Variants in FCGRT observed in about 807,000 individuals in gnomAD.
The protein encoded by FCGRT is IgG receptor FcRn large subunit p51.
A neutral mutation model predicts 35.7 loss-of-function variants in FCGRT; 13 were observed. That is an observed-to-expected ratio of 0.36 (90% CI 0.24 to 0.58). The LOEUF (loss-of-function observed/expected upper bound fraction) is 0.58. FCGRT is among the 20% of genes least tolerant of loss of function. The probability of loss-of-function intolerance (pLI) is 0.77; values close to 1 mark genes in which losing one functional copy is unlikely to be tolerated. For missense variants in FCGRT, 455 were observed against 474.9 expected (o/e 0.96, Z 0.39); for synonymous variants, 233 against 216.5 (o/e 1.08, Z -0.67).
Position 49,514,455 on chromosome 19 carries a change from G to A in FCGRT, c.570G>A (p.Leu190=), listed in dbSNP as rs1380293250. 1 of 1,564,660 alleles carries A rather than the reference G, an allele frequency of 6.4e-7. No individual in the cohort carries two copies. Among genetic ancestry groups the A allele is most frequent in the Non-Finnish European group, 8.7e-7 (1 of 1,151,422 alleles). Residue 190 remains leucine (L), a synonymous_variant, in exon 4 of 7, where the codon CTG becomes CTA. Transcript: ENST00000221466. ...GCCCGCACCGCCTGCGGGAGCACCT[G>A]GAGAGGGGCCGCGGAAACCTGGAGT... ...FSCPHRLREH[L]ERGRGNLEWK... is the part of the protein sequence containing the mutation.
intron 2 of FCGRT, 135 bp downstream of exon 2, chr19:49,513,608 C>T (rs903140188): frequency 7.6e-5 from 37 of 489,978 alleles, no homozygotes; most frequent in African/African-American, 7.4e-4. Context: ...AATTAACTTT[C>T]TCAACGTCTC....
chr19:49,513,864 C>A lies in FCGRT; in HGVS notation c.74-18C>A. ...TTCCCCGCCCGTGTGCTCCCTTCAG[C>A]TCTGTTTCTGTCTGCAGAAAGCCAC... On this transcript the variant is annotated intron_variant, in intron 2 of 6. Coordinates refer to ENST00000221466, the MANE Select transcript of FCGRT (RefSeq NM_001136019.3). The A allele has an allele frequency of 6.3e-7, 1 of 1,578,140 alleles. No individual in the cohort carries two copies. The highest frequency in any genetic ancestry group is 8.6e-7 in the Non-Finnish European group (1 of 1,161,264).
intron 5 of FCGRT, chr19:49,525,035 T>G (rs1311872590): frequency 1.6e-6 from 1 of 639,762 alleles, no homozygotes; most frequent in South Asian, 1.5e-5. Flanking sequence ...TCCCTGAGTC[T>G]GACCATCTTC....
intron 4 of FCGRT, among the ~76,000 whole-genome samples, chr19:49,520,165 C>G (rs1446255295): frequency 3.9e-5 from 5 of 126,972 alleles, no homozygotes; most frequent in Non-Finnish European, 8.2e-5. Flanking sequence ...GCGTCTCCCT[C>G]TGTCACCAGG....
In FCGRT at chr19:49,518,174, A is replaced by G. The variant is rs567403436; in HGVS notation, c.601+3688A>G. On this transcript the variant is annotated intron_variant, in intron 4 of 6. Transcript: ENST00000221466. ...CTACTAGGTAAGGGCATTTAAAAAAAATTAATACCAAAACCATCATCACAC... is the reference window on the plus strand; with the variant it reads ...CTACTAGGTAAGGGCATTTAAAAAAGATTAATACCAAAACCATCATCACAC... 2.0e-5 allele frequency among the ~76,000 whole-genome samples: 3 copies of G among 152,258 alleles called. No individual in the cohort carries two copies. The South Asian group carries it at 6.2e-4, about 32-fold the overall frequency.
intron 4 of FCGRT, among the ~76,000 whole-genome samples, chr19:49,522,825 T>C (rs1215848503): frequency 7.0e-6 from 1 of 142,110 alleles, no homozygotes; most frequent in Non-Finnish European, 1.5e-5. Flanking sequence ...TCACCCAGGC[T>C]GGAGTGCAGT....
At chr19:49,525,108 C>T in intron 5 of FCGRT, 1 of 543,182 alleles carries the variant, frequency 1.8e-6, no homozygotes, top group Non-Finnish European at 3.5e-6. Flanking sequence ...TCGTTGTCTG[C>T]TATGCCCGTC....
intron 4 of FCGRT, among the ~76,000 whole-genome samples, chr19:49,523,333 C>G (rs555443580): frequency 2.2e-4 from 33 of 152,130 alleles, no homozygotes; most frequent in Admixed American, 2.0e-3. Flanking sequence ...CTTTGGGAGG[C>G]TGAGGCAGGT....
At chr19:49,515,002 T>TC (rs1162026929) in intron 4 of FCGRT, among the ~76,000 whole-genome samples, 1 of 150,750 alleles carries the variant, frequency 6.6e-6, no homozygotes. Context: ...CCCCCCTTTT[T>TC]TTTTTTTTTG....
At chr19:49,521,768 C>T (rs1221495606) in intron 4 of FCGRT, 1 of 151,468 alleles carries the variant, frequency 6.6e-6, no homozygotes. Flanking sequence ...CTCCCAAGCT[C>T]AAGCGATCCT....
Position 49,514,461 on chromosome 19 carries a change from G to C in FCGRT, c.576G>C (p.Arg192Ser). ...ACCGCCTGCGGGAGCACCTGGAGAGGGGCCGCGGAAACCTGGAGTGGAAGG... is the reference window on the plus strand; with the variant it reads ...ACCGCCTGCGGGAGCACCTGGAGAGCGGCCGCGGAAACCTGGAGTGGAAGG... ...CPHRLREHLE[R>S]GRGNLEWKEP... Residue 192 changes from arginine (R) to serine (S), a missense_variant, in exon 4 of 7, where the codon AGG becomes AGC. Coordinates refer to ENST00000221466, the MANE Select transcript of FCGRT (RefSeq NM_001136019.3). 1 of 1,558,422 alleles carries C rather than the reference G, an allele frequency of 6.4e-7. No homozygotes were observed. Among genetic ancestry groups the C allele is most frequent in the Non-Finnish European group, 8.7e-7 (1 of 1,148,332 alleles).
chr19:49,513,735 T>TGGGGGGGGGGGGGGGGGGGGGGGGGGG, intron 2 of FCGRT, 147 bp from the exon 3 acceptor site: 1 of 497,276 alleles, frequency 2.0e-6, no homozygotes. Context: ...TCTGGGTCTC[T>TGGGGGGGGGGGGGGGGGGGGGGGGGGG]GTCCCCCCCC....
chr19:49,513,691 C>G, intron 2 of FCGRT, 191 bp from the exon 3 acceptor site: 1 of 576,366 alleles, frequency 1.7e-6, no homozygotes, highest in Non-Finnish European at 3.0e-6. Context: ...GGGTCTCTGT[C>G]CCCCTCTCTT....
intron 5 of FCGRT, chr19:49,525,075 G>A (rs987374586): frequency 4.0e-5 from 23 of 568,552 alleles, no homozygotes; most frequent in African/African-American, 2.7e-4. Flanking sequence ...CTGCTGCTGC[G>A]GGTCTTCCTG....
At position 49,519,806 on chromosome 19, in the gene FCGRT, G is replaced by C. The variant is rs2080029850; in HGVS notation, c.602-4701G>C. ...TTTCTCCTGATGGTTTTAGCGGATA[G>C]CAATGGCCATTGCCTTAATCTTTTT... On this transcript the variant is annotated intron_variant, in intron 4 of 6. Transcript: ENST00000221466. Among the ~76,000 whole-genome samples the C allele has an allele frequency of 3.3e-5, 5 of 150,656 alleles. No homozygotes were observed. In the South Asian group the frequency reaches 1.1e-3, roughly 32 times the overall value.
In FCGRT at chr19:49,525,467, C is replaced by T. The variant is rs902540996; in HGVS notation, c.882C>T (p.Ala294=). 16 of 1,613,382 alleles carry T rather than the reference C, an allele frequency of 9.9e-6. No individual in the cohort carries two copies. The highest frequency in any genetic ancestry group is 1.1e-5 in the Non-Finnish European group (13 of 1,179,622). Residue 294 remains alanine, a synonymous_variant, in exon 6 of 7, where the codon GCC becomes GCT. Transcript: ENST00000221466. ...QPLRVELESP[A]KSSVLVVGIV... ...GTTCTCTGGCTGCAGAATCTCCAGC[C>T]AAGTCCTCCGTGCTCGTGGTGGGAA...
At position 49,525,164 on chromosome 19, in the gene FCGRT, T is replaced by C. The variant is rs1484131396; in HGVS notation, c.872-293T>C. ...GCTGCTTTGCTACTGCCCGGGCCCA[T>C]GAGACTGACTTCCCACTGCTCTGCC... On this transcript the variant is annotated intron_variant, in intron 5 of 6. Transcript: ENST00000221466. 9.9e-6 allele frequency: 5 copies of C among 506,318 alleles called. No homozygotes were observed. In the East Asian group the frequency reaches 2.0e-4, roughly 21 times the overall value. 31.4% of individuals were successfully genotyped at this position (506,318 alleles called of 1,614,324 possible).
chr19:49,525,884 G>T, intron 6 of FCGRT, 126 bp from the exon 7 acceptor site: 1 of 769,904 alleles, frequency 1.3e-6, no homozygotes. Flanking sequence ...GGGAGACAAA[G>T]GCCCAGAAGG....
rs772799298 is a variant in FCGRT, at chr19:49,524,564, C to G, written c.659C>G (p.Thr220Ser). 6 of 1,613,172 alleles carry G rather than the reference C, an allele frequency of 3.7e-6. No homozygotes were observed. The highest frequency in any genetic ancestry group is 5.1e-6 in the Non-Finnish European group (6 of 1,179,908). Residue 220 changes from threonine to serine, a missense_variant, in exon 5 of 7, where the codon ACC (threonine) becomes AGC (serine). By Grantham distance (58) the Thr-to-Ser change is moderately conservative. Around this residue, in one of 3 missense-constraint regions of FCGRT, gnomAD observed 312 missense variants for 296.1 expected, o/e 1.05. Coordinates refer to ENST00000221466, the MANE Select transcript of FCGRT (RefSeq NM_001136019.3). ...AGCAGCCCTGGCTTTTCCGTGCTTA[C>G]CTGCAGCGCCTTCTCCTTCTACCCT... Reference protein sequence around the residue: ...RPSSPGFSVLTCSAFSFYPPE... With the variant: ...RPSSPGFSVLSCSAFSFYPPE...
Sources: allele counts gnomAD v4.1 joint callset (sites outside exome capture counted in the v4.1 genomes callset), GRCh38; gene constraint gnomAD v4.1.1; regional missense constraint gnomAD v4.1.1; transcripts MANE v1.5; gene names NCBI Gene and HGNC (gene_info 2026-07-23, HGNC 2026-07-21).